Variants in C8orf34 observed in about 807,000 individuals in gnomAD.
C8orf34 encodes chromosome 8 open reading frame 34.
A neutral mutation model predicts 68.3 loss-of-function variants in C8orf34; 65 were observed. The observed-to-expected ratio is 0.95, with a 90% CI of 0.78 to 1.17. C8orf34 has a LOEUF of 1.17. C8orf34 is among the 50% of genes most tolerant of loss of function. The probability of loss-of-function intolerance (pLI) is 0.00; values close to 1 mark genes in which losing one functional copy is unlikely to be tolerated. For missense variants in C8orf34, 664 were observed against 655.4 expected (o/e 1.01, Z -0.14); for synonymous variants, 244 against 241.2 (o/e 1.01, Z -0.11).
At position 68,779,246 on chromosome 8, in the gene C8orf34, C is replaced by T. The variant is rs1823608568; in HGVS notation, c.1455+2797C>T. Among the ~76,000 whole-genome samples the T allele has an allele frequency of 2.7e-5, 4 of 150,516 alleles. No individual in the cohort carries two copies. In the South Asian group the frequency reaches 8.4e-4, roughly 32 times the overall value. On this transcript the variant is annotated intron_variant, in intron 11 of 13. Transcript: ENST00000518698. Reference sequence around the variant, plus strand: ...ACACACACACTACCCAGACGAATAACTGGGAAGCAGCGTAGTATACTGGTT... The same window carrying T: ...ACACACACACTACCCAGACGAATAATTGGGAAGCAGCGTAGTATACTGGTT...
chr8:68,467,984 G>A (rs2129629843), intron 3 of C8orf34, among the ~76,000 whole-genome samples: 1 of 151,950 alleles, frequency 6.6e-6, no homozygotes, highest in African/African-American at 2.4e-5. Context: ...AATCTGAAAA[G>A]CAATTAAGTT....
chr8:68,332,415 T>C (rs946441514), intron 1 of C8orf34, among the ~76,000 whole-genome samples: 2 of 55,846 alleles, frequency 3.6e-5, no homozygotes, highest in African/African-American at 7.1e-5. Context: ...GAAGCAGTTG[T>C]AGCTGTTCTT....
At chr8:68,416,162 G>A (rs2129622797) in intron 1 of C8orf34, among the ~76,000 whole-genome samples, 1 of 152,284 alleles carries the variant, frequency 6.6e-6, no homozygotes, top group East Asian at 1.9e-4. Context: ...GAAGAACAAT[G>A]TTAGGTTTAC....
intron 7 of C8orf34, chr8:68,535,024 C>G: frequency 1.0e-6 from 1 of 985,336 alleles, no homozygotes; most frequent in Non-Finnish European, 1.2e-6. Context: ...GCACAGGTGG[C>G]AAGCAGTGTA....
intron 12 of C8orf34, among the ~76,000 whole-genome samples, chr8:68,794,505 A>ATTTTT (rs57673879): frequency 8.0e-5 from 5 of 62,230 alleles, no homozygotes; most frequent in African/African-American, 6.1e-4. Flanking sequence ...ATATATATAT[A>ATTTTT]TTTTTTTTTT....
At chr8:68,462,337 T>C (rs1381154020) in intron 3 of C8orf34, among the ~76,000 whole-genome samples, 1 of 152,056 alleles carries the variant, frequency 6.6e-6, no homozygotes, top group African/African-American at 2.4e-5. Flanking sequence ...CACACAATAA[T>C]AATGGGAGAA....
intron 10 of C8orf34, among the ~76,000 whole-genome samples, chr8:68,756,920 A>T (rs974588978): frequency 2.6e-5 from 4 of 152,202 alleles, no homozygotes; most frequent in African/African-American, 9.6e-5. Context: ...ACTCTTATTT[A>T]GTTAAACACA....
chr8:68,391,435 G>A (rs1055769808), intron 1 of C8orf34, among the ~76,000 whole-genome samples: 1 of 152,154 alleles, frequency 6.6e-6, no homozygotes, highest in Non-Finnish European at 1.5e-5. Context: ...CCATGAAGGA[G>A]GCTGGTTTAA....
At chr8:68,546,077 A>G (rs951308577) in intron 7 of C8orf34, among the ~76,000 whole-genome samples, 4 of 152,086 alleles carry the variant, frequency 2.6e-5, no homozygotes, top group Non-Finnish European at 4.4e-5. Context: ...AAATGTTAAA[A>G]AAAGTACAAA....
chr8:68,417,195 T>C (rs145761377), intron 1 of C8orf34, among the ~76,000 whole-genome samples: 13 of 152,362 alleles, frequency 8.5e-5, no homozygotes, highest in African/African-American at 2.9e-4. Flanking sequence ...TAATGGGCTT[T>C]ATTTCTTAGA....
At chr8:68,590,125 GAGAA>G (rs1435441591) in intron 7 of C8orf34, among the ~76,000 whole-genome samples, 5 of 141,374 alleles carry the variant, frequency 3.5e-5, no homozygotes, top group Non-Finnish European at 6.1e-5. Context: ...GAGAAAGGAA[GAGAA>G]AGGAAGGAAG....
At chr8:68,362,635 C>A (rs1444039465) in intron 1 of C8orf34, among the ~76,000 whole-genome samples, 3 of 152,232 alleles carry the variant, frequency 2.0e-5, no homozygotes, top group Admixed American at 2.0e-4. Flanking sequence ...CAGGGGCACA[C>A]TGACACCTCA....
chr8:68,440,849 G>A (rs1384473273), intron 2 of C8orf34, among the ~76,000 whole-genome samples: 2 of 149,210 alleles, frequency 1.3e-5, no homozygotes, highest in African/African-American at 4.9e-5. Context: ...CTGTCACCCA[G>A]GCTGGAGTGC....
At chr8:68,427,201 A>G (rs1273359276) in intron 1 of C8orf34, among the ~76,000 whole-genome samples, 1 of 152,210 alleles carries the variant, frequency 6.6e-6, no homozygotes, top group Non-Finnish European at 1.5e-5. Flanking sequence ...TATCCTAAAG[A>G]AATGAAACCT....
intron 7 of C8orf34, among the ~76,000 whole-genome samples, chr8:68,615,936 G>T (rs901624060): frequency 1.2e-3 from 179 of 150,910 alleles, no homozygotes; most frequent in African/African-American, 4.3e-3. Context: ...CTTTTTGGTT[G>T]GTAAGCTATT....
chr8:68,407,093 A>G (rs1187640291), intron 1 of C8orf34, among the ~76,000 whole-genome samples: 2 of 152,206 alleles, frequency 1.3e-5, no homozygotes, highest in African/African-American at 4.8e-5. Context: ...TGGAAAAGTA[A>G]TAACATTTTA....
At chr8:68,463,510 A>G (rs2129629290) in intron 3 of C8orf34, among the ~76,000 whole-genome samples, 1 of 152,348 alleles carries the variant, frequency 6.6e-6, no homozygotes, top group East Asian at 1.9e-4. Flanking sequence ...TTAGACCAAT[A>G]TCCTTGATGA....
At chr8:68,807,524 T>A (rs1169946764) in intron 12 of C8orf34, among the ~76,000 whole-genome samples, 1 of 152,186 alleles carries the variant, frequency 6.6e-6, no homozygotes, top group East Asian at 1.9e-4. Context: ...TTTCTAAAAT[T>A]CTAGATATTA....
chr8:68,544,767 T>A (rs563438107), intron 7 of C8orf34, among the ~76,000 whole-genome samples: 1 of 152,186 alleles, frequency 6.6e-6, no homozygotes, highest in East Asian at 1.9e-4. Context: ...TTAAAAACCA[T>A]TTTGTAAGAT....
Sources: allele counts gnomAD v4.1 joint callset (sites outside exome capture counted in the v4.1 genomes callset), GRCh38; gene constraint gnomAD v4.1.1; transcripts MANE v1.5; gene names NCBI Gene and HGNC (gene_info 2026-07-23, HGNC 2026-07-21).